EPHA10: variants seen among roughly 807,000 people sequenced by gnomAD.
The protein encoded by EPHA10 is EPH receptor A10.
A neutral mutation model predicts 109.7 loss-of-function variants in EPHA10; 120 were observed. The ratio of observed to expected loss-of-function variants is 1.09; its 90% CI spans 0.94 to 1.27. EPHA10 has a LOEUF of 1.27. EPHA10 is among the 50% of genes most tolerant of loss of function. The pLI, the probability that EPHA10 is intolerant of heterozygous loss-of-function variation, is 0.00. For missense variants in EPHA10, 1,396 were observed against 1,411.1 expected (o/e 0.99, Z 0.17); for synonymous variants, 640 against 618.9 (o/e 1.03, Z -0.51).
chr1:37,760,168 G>C (rs1255835990), intron 3 of EPHA10: 1 of 582,808 alleles, frequency 1.7e-6, no homozygotes. Context: ...ACCCTCTTGT[G>C]ATTTTTAAAT....
At chr1:37,719,628 G>T in intron 14 of EPHA10, 21 bp from the exon 15 acceptor site, 1 of 1,611,584 alleles carries the variant, frequency 6.2e-7, no homozygotes, top group Non-Finnish European at 8.5e-7. Context: ...GGGGTGGGGA[G>T]CAGAGAGGAG....
rs545924759 is a variant in EPHA10 at position 37,720,676 on chromosome 1, G to A, written c.2208+107C>T. The A allele has an allele frequency of 2.1e-5, 32 of 1,540,804 alleles. No homozygotes were observed. The African/African-American group carries it at 2.2e-4, about 10-fold the overall frequency. ...TCACCCTGTGACCACAGGTCAGCCC[G>A]GCCAGTGGGGATGATGCCAATTCCA... On this transcript the variant is annotated intron_variant, in intron 12 of 16. Coordinates refer to ENST00000373048, the MANE Select transcript of EPHA10 (RefSeq NM_001099439.2).
Position 37,753,150 on chromosome 1 carries a change from C to A in EPHA10, c.1083G>T (p.Pro361=). Reference sequence around the variant, plus strand: ...CCGAGCGGCCTCCCGAGTCGGCCGGCGGCAGCCAGCGCAGTCGCAGCACCA... The same window carrying A: ...CCGAGCGGCCTCCCGAGTCGGCCGGAGGCAGCCAGCGCAGTCGCAGCACCA... ...SPLVLRLRWL[P]PADSGGRSDV... The change falls in exon 5 of 17, where the codon CCG becomes CCT. Residue 361 remains proline, a synonymous_variant. Transcript: ENST00000373048. The A allele has an allele frequency of 1.4e-6, 2 of 1,407,690 alleles. No individual in the cohort carries two copies. Among genetic ancestry groups the A allele is most frequent in the South Asian group, 3.0e-5 (2 of 67,534 alleles). The allele number at this position is 1,407,690 out of a possible 1,614,324, so 87.2% of individuals were successfully genotyped here.
At chr1:37,738,917 C>T (rs559874368) in intron 5 of EPHA10, among the ~76,000 whole-genome samples, 15 of 152,250 alleles carry the variant, frequency 9.9e-5, no homozygotes, top group African/African-American at 3.1e-4. Flanking sequence ...AACCAAACAC[C>T]GCATGTTCTC....
chr1:37,742,736 A>C (rs76144289), intron 5 of EPHA10, among the ~76,000 whole-genome samples: 1 of 68,492 alleles, frequency 1.5e-5, no homozygotes, highest in African/African-American at 4.4e-5. Context: ...CTATAATCCC[A>C]GAGCTTTGAG....
At chr1:37,734,425 T>C (rs1048825963) in intron 6 of EPHA10, among the ~76,000 whole-genome samples, 10 of 152,024 alleles carry the variant, frequency 6.6e-5, no homozygotes, top group African/African-American at 2.2e-4. Context: ...TCCCAGCTAC[T>C]TGGGAGGCTG....
chr1:37,728,006 A>C (rs1467710386), intron 7 of EPHA10, among the ~76,000 whole-genome samples: 1 of 152,234 alleles, frequency 6.6e-6, no homozygotes, highest in Non-Finnish European at 1.5e-5. Flanking sequence ...TCTTAACTGT[A>C]GAATGAAAAA....
chr1:37,749,401 G>A (rs947775898), intron 5 of EPHA10, among the ~76,000 whole-genome samples: 11 of 151,886 alleles, frequency 7.2e-5, no homozygotes, highest in Non-Finnish European at 8.8e-5. Context: ...GGCCGTGCAC[G>A]GTGGCTCACG....
In EPHA10 at chr1:37,735,325, G is replaced by A. The variant is rs776259772; in HGVS notation, c.1423C>T (p.Arg475Trp). Residue 475 changes from arginine to tryptophan, a missense_variant, in exon 6 of 17, where the codon CGG (arginine) becomes TGG (tryptophan). Arg to Trp is a moderately radical substitution (Grantham distance 101). Coordinates refer to ENST00000373048, the MANE Select transcript of EPHA10 (RefSeq NM_001099439.2). ...VEPQSVSLSW[R>W]EPIPAGAPGA... ...GGGGCTCCGGCAGGGATGGGCTCCC[G>A]CCACGACAGGGACACGCTCTGGGGT... 44 of 1,571,160 alleles carry A rather than the reference G, an allele frequency of 2.8e-5. No individual in the cohort carries two copies. The highest frequency in any genetic ancestry group is 2.3e-5 in the South Asian group (2 of 85,462).
chr1:37,743,902 A>AGAT (rs34696765), intron 5 of EPHA10, among the ~76,000 whole-genome samples: 51,575 of 151,870 alleles, frequency 0.34, 8,789 homozygotes, highest in East Asian at 0.47. Flanking sequence ...AGATAGATAT[A>AGAT]GATATATAAA....
At chr1:37,721,107 G>A (rs1036861200) in intron 11 of EPHA10, among the ~76,000 whole-genome samples, 3 of 151,950 alleles carry the variant, frequency 2.0e-5, no homozygotes, top group African/African-American at 7.3e-5. Context: ...GATATTCTAG[G>A]GGACCTATCA....
At chr1:37,728,659 G>A (rs1569662832) in intron 7 of EPHA10, among the ~76,000 whole-genome samples, 1 of 152,108 alleles carries the variant, frequency 6.6e-6, no homozygotes, top group African/African-American at 2.4e-5. Flanking sequence ...GATGGGTGTG[G>A]GGCCAGGAGG....
In EPHA10 at chr1:37,730,765, C is replaced by T. The variant is rs181577583; in HGVS notation, c.1663+646G>A. Among the ~76,000 whole-genome samples, 4 of 152,182 alleles carry T rather than the reference C, an allele frequency of 2.6e-5. No individual in the cohort carries two copies. In the East Asian group the frequency reaches 7.7e-4, roughly 29 times the overall value. ...GGAACGTAGTGGCATAATCTTGGCT[C>T]ACTGCAACCTCTGCCTCCCGGTTTT... On this transcript the variant is annotated intron_variant, in intron 7 of 16. Coordinates refer to ENST00000373048, the MANE Select transcript of EPHA10 (RefSeq NM_001099439.2).
chr1:37,745,087 C>T (rs925126382), intron 5 of EPHA10, among the ~76,000 whole-genome samples: 1 of 152,142 alleles, frequency 6.6e-6, no homozygotes, highest in Non-Finnish European at 1.5e-5. Context: ...AAGGGTCCTC[C>T]TCTAGAATCA....
chr1:37,754,515 G>T lies in EPHA10; in HGVS notation c.851-145C>A. On this transcript the variant is annotated intron_variant, in intron 3 of 16. Transcript: ENST00000373048. This position sits in a 1 kb window ranked among gnomAD's most constrained non-coding sequence, Gnocchi z 4.5. Reference sequence around the variant, plus strand: ...CAGCCACTCCAGTCAGCACTGCCCCGTGGAGTGACTCCTGAACAACCCATT... The same window carrying T: ...CAGCCACTCCAGTCAGCACTGCCCCTTGGAGTGACTCCTGAACAACCCATT... 1 of 690,418 alleles carries T rather than the reference G, an allele frequency of 1.4e-6. No individual in the cohort carries two copies. The highest frequency in any genetic ancestry group is 2.0e-6 in the Non-Finnish European group (1 of 491,044). 42.8% of individuals were successfully genotyped at this position (690,418 alleles called of 1,614,324 possible).
Position 37,723,043 on chromosome 1 carries a change from C to T in EPHA10, c.1958G>A (p.Gly653Glu), listed in dbSNP as rs1645825491. ...GGCTTCCTGGGCGCCCAGCTTGCCT[C>T]CTCCAAGGCTCCTCTCCAGCGTGAC... ...KSVTLERSLG[G>E]GRFGELCCGC... is the part of the protein sequence containing the mutation. Residue 653 changes from glycine (G) to glutamate (E), a missense_variant and splice_region_variant, in exon 10 of 17, where the codon GGA becomes GAA. Physicochemically the swap from Gly to Glu is moderately conservative, Grantham distance 98. Coordinates refer to ENST00000373048, the MANE Select transcript of EPHA10 (RefSeq NM_001099439.2). The T allele has an allele frequency of 6.2e-7, 1 of 1,614,170 alleles. No individual in the cohort carries two copies. Among genetic ancestry groups the T allele is most frequent in the Non-Finnish European group, 8.5e-7 (1 of 1,180,040 alleles).
intron 10 of EPHA10, 45 bp from the exon 11 acceptor site, chr1:37,721,890 T>TGGCTG: frequency 1.4e-6 from 2 of 1,462,980 alleles, no homozygotes; most frequent in Admixed American, 4.8e-5. Context: ...GCCACTGCCC[T>TGGCTG]GGCTGAGCTG....
At chr1:37,747,155 A>G (rs1362135306) in intron 5 of EPHA10, among the ~76,000 whole-genome samples, 2 of 152,260 alleles carry the variant, frequency 1.3e-5, no homozygotes, top group African/African-American at 4.8e-5. Context: ...TGATAATATC[A>G]TGTATCAAAT....
chr1:37,720,856 G>A lies in EPHA10; in HGVS notation c.2147-12C>T, dbSNP rs1351756213. On this transcript the variant is annotated splice_polypyrimidine_tract_variant and intron_variant, in intron 11 of 16. Transcript: ENST00000373048. ...CATCAAGGTGCTTCCTGTGCCCAGGGATGGGAACACACATGCTAAGTTGTC... is the reference window on the plus strand; with the variant it reads ...CATCAAGGTGCTTCCTGTGCCCAGGAATGGGAACACACATGCTAAGTTGTC... 1.2e-6 allele frequency: 2 copies of A among 1,613,850 alleles called. No individual in the cohort carries two copies. Among genetic ancestry groups the A allele is most frequent in the Admixed American group, 1.7e-5 (1 of 59,992 alleles).
Sources: gnomAD v4.1 joint callset for allele counts (sites outside exome capture counted in the v4.1 genomes callset) on GRCh38, gnomAD v4.1.1 for gene constraint, Gnocchi (gnomAD v3.1) non-coding constraint, MANE v1.5 for transcripts, NCBI Gene and HGNC (gene_info 2026-07-23, HGNC 2026-07-21) for gene names.